XRCC4: variants seen among roughly 807,000 people sequenced by gnomAD.
The protein encoded by XRCC4 is X-ray repair cross complementing 4.
In XRCC4, 28 loss-of-function variants were observed where a neutral mutation model predicts 39.1. That is an observed-to-expected ratio of 0.72 (90% CI 0.53 to 0.98). The LOEUF is 0.98. Ranked by LOEUF, XRCC4 falls within the 50% of genes least tolerant of loss-of-function variation. XRCC4 has a pLI of 0.00. For missense variants in XRCC4, 350 were observed against 376.4 expected (o/e 0.93, Z 0.58); for synonymous variants, 123 against 126.4 (o/e 0.97, Z 0.18).
intron 7 of XRCC4, among the ~76,000 whole-genome samples, chr5:83,295,919 T>C (rs1337775438): frequency 1.3e-5 from 2 of 152,058 alleles, no homozygotes; most frequent in Non-Finnish European, 2.9e-5. Flanking sequence ...CTTTTTCTAC[T>C]CTAAGGTAGA....
intron 3 of XRCC4, among the ~76,000 whole-genome samples, chr5:83,170,667 C>T (rs2112617454): frequency 6.6e-6 from 1 of 152,272 alleles, no homozygotes; most frequent in African/African-American, 2.4e-5. Context: ...AATTCCCACT[C>T]CTCATGAAGA....
At chr5:83,299,334 T>C (rs1227697858) in intron 7 of XRCC4, among the ~76,000 whole-genome samples, 2 of 152,150 alleles carry the variant, frequency 1.3e-5, no homozygotes, top group South Asian at 2.1e-4. Context: ...ATTGCTCTTA[T>C]GTCTTTGGTG....
At chr5:83,223,954 CT>C (rs1752191702) in intron 6 of XRCC4, among the ~76,000 whole-genome samples, 1 of 151,192 alleles carries the variant, frequency 6.6e-6, no homozygotes, top group South Asian at 2.1e-4. Flanking sequence ...TGAACTCATC[CT>C]TTTTTATGGC....
chr5:83,353,275 C>CT lies in XRCC4; in HGVS notation c.*34dup. 6.9e-7 allele frequency: 1 copy of CT among 1,445,036 alleles called. No homozygotes were observed. Among genetic ancestry groups the CT allele is most frequent in the Non-Finnish European group, 9.5e-7 (1 of 1,054,434 alleles). 89.5% of individuals were successfully genotyped at this position (1,445,036 alleles called of 1,614,324 possible). A position where few individuals can be genotyped will look rare whatever the true frequency, so the allele number is the denominator to read the frequency against. ...AAAAAATACTTTGATGTTCACTAGA[C>CT]TATGTTTTCTATTCATTTCTTTAAA... On this transcript the variant is annotated 3_prime_UTR_variant, in exon 8 of 8. Coordinates refer to ENST00000396027, the MANE Select transcript of XRCC4 (RefSeq NM_003401.5).
At chr5:83,310,685 T>C (rs1755676455) in intron 7 of XRCC4, 1 of 423,342 alleles carries the variant, frequency 2.4e-6, no homozygotes, top group African/African-American at 2.1e-5. Flanking sequence ...GCTTTTACGG[T>C]AAAACGTATT....
chr5:83,100,733 G>T (rs979434601), intron 1 of XRCC4, among the ~76,000 whole-genome samples: 24 of 152,012 alleles, frequency 1.6e-4, no homozygotes, highest in Non-Finnish European at 1.3e-4. Flanking sequence ...CCCCAAAATT[G>T]TGGGTTTTGA....
chr5:83,088,924 A>G (rs926012320), intron 1 of XRCC4, among the ~76,000 whole-genome samples: 2 of 152,186 alleles, frequency 1.3e-5, no homozygotes, highest in Non-Finnish European at 2.9e-5. Context: ...AAGTCTGACA[A>G]TCTTTTTAGG....
intron 7 of XRCC4, among the ~76,000 whole-genome samples, chr5:83,270,973 A>T (rs898991676): frequency 3.3e-5 from 5 of 151,820 alleles, no homozygotes. Flanking sequence ...TTTAGTAAAG[A>T]TGGGGTTTTG....
intron 6 of XRCC4, among the ~76,000 whole-genome samples, chr5:83,255,357 G>A (rs1753498788): frequency 6.6e-6 from 1 of 152,106 alleles, no homozygotes; most frequent in Non-Finnish European, 1.5e-5. Flanking sequence ...TTCCCATGGT[G>A]CAAACACAAA....
At chr5:83,209,488 A>T (rs1751556740) in intron 6 of XRCC4, among the ~76,000 whole-genome samples, 1 of 152,122 alleles carries the variant, frequency 6.6e-6, no homozygotes, top group African/African-American at 2.4e-5. Context: ...ATATATATGA[A>T]TATTCTAAGA....
At chr5:83,373,609 T>C in the XRCC4 span, among the ~76,000 whole-genome samples, 1 of 152,210 alleles carries the variant, frequency 6.6e-6, no homozygotes, top group Non-Finnish European at 1.5e-5. Flanking sequence ...AGAAATTGAC[T>C]TCTTTATGAA....
intron 3 of XRCC4, among the ~76,000 whole-genome samples, chr5:83,173,785 C>G (rs1340529280): frequency 6.6e-6 from 1 of 152,128 alleles, no homozygotes; most frequent in African/African-American, 2.4e-5. Context: ...TGTAGTTTCC[C>G]TAAAATCACC....
At chr5:83,172,001 C>T (rs1749748605) in intron 3 of XRCC4, among the ~76,000 whole-genome samples, 1 of 152,116 alleles carries the variant, frequency 6.6e-6, no homozygotes, top group Admixed American at 6.6e-5. Context: ...CTTTCTAGCA[C>T]TATTGAAAAA....
chr5:83,110,975 C>T, intron 2 of XRCC4, 53 bp from the exon 3 acceptor site: 1 of 1,501,848 alleles, frequency 6.7e-7, no homozygotes, highest in Non-Finnish European at 9.0e-7. Flanking sequence ...AATATTTTCT[C>T]ATGTGTAGTC....
chr5:83,166,199 T>C (rs1314975823), intron 3 of XRCC4, among the ~76,000 whole-genome samples: 2 of 152,166 alleles, frequency 1.3e-5, no homozygotes, highest in Admixed American at 1.3e-4. Flanking sequence ...ATTTTTCTTA[T>C]CCATTATATC....
intron 7 of XRCC4, among the ~76,000 whole-genome samples, chr5:83,339,175 G>A: frequency 6.6e-6 from 1 of 152,238 alleles, no homozygotes; most frequent in Middle Eastern, 3.4e-3. Context: ...CAATTTAAAA[G>A]TTTAATATTT....
chr5:83,145,076 T>C (rs1748387723), intron 3 of XRCC4, among the ~76,000 whole-genome samples: 2 of 152,126 alleles, frequency 1.3e-5, no homozygotes, highest in South Asian at 4.1e-4. Context: ...TTTGTATTTT[T>C]AGTAGAGACG....
intron 1 of XRCC4, among the ~76,000 whole-genome samples, chr5:83,103,879 G>C (rs1746071757): frequency 6.6e-6 from 1 of 152,164 alleles, no homozygotes; most frequent in Non-Finnish European, 1.5e-5. Context: ...AGATAAGATA[G>C]TGGTTATTTG....
At chr5:83,201,409 C>T (rs1297259278) in intron 4 of XRCC4, 1 of 152,316 alleles carries the variant, frequency 6.6e-6, no homozygotes, top group East Asian at 1.9e-4. Context: ...AAATGCCCCA[C>T]ATGAGGTTTC....
Sources: allele counts gnomAD v4.1 joint callset (sites outside exome capture counted in the v4.1 genomes callset), GRCh38; gene constraint gnomAD v4.1.1; transcripts MANE v1.5; gene names NCBI Gene and HGNC (gene_info 2026-07-23, HGNC 2026-07-21).